The following NR3C2 variants were observed in gnomAD, a reference collection of about 807,000 sequenced individuals.
NR3C2 encodes mineralocorticoid receptor.
A neutral mutation model predicts 86.4 loss-of-function variants in NR3C2; 15 were observed. That is an observed-to-expected ratio of 0.17 (90% CI 0.12 to 0.27). The LOEUF (loss-of-function observed/expected upper bound fraction) is 0.27, where lower values mean the gene tolerates loss of function less well. Among genes scored for constraint, NR3C2 ranks in the 10% least tolerant of loss-of-function variants. The pLI, the probability that NR3C2 is intolerant of heterozygous loss-of-function variation, is 1.00. For missense variants in NR3C2, 960 were observed against 1,195.6 expected (o/e 0.80, Z 2.91); for synonymous variants, 458 against 450.5 (o/e 1.02, Z -0.21).
chr4:148,203,994 AT>A (rs143085629), intron 3 of NR3C2, among the ~76,000 whole-genome samples: 2 of 151,694 alleles, frequency 1.3e-5, no homozygotes, highest in Admixed American at 6.6e-5. Context: ...GATTAGCATT[AT>A]TTTTTTTTCC....
At chr4:148,347,815 C>T (rs1405426993) in intron 2 of NR3C2, among the ~76,000 whole-genome samples, 1 of 152,078 alleles carries the variant, frequency 6.6e-6, no homozygotes, top group Admixed American at 6.6e-5. Flanking sequence ...CCAACCACCA[C>T]TGCACCACTG....
At chr4:148,269,521 C>T (rs557361002) in intron 2 of NR3C2, among the ~76,000 whole-genome samples, 5 of 152,292 alleles carry the variant, frequency 3.3e-5, no homozygotes, top group East Asian at 3.9e-4. Flanking sequence ...TGAGCATATA[C>T]AGAATCTCTA....
chr4:148,165,785 A>C (rs1734853086), intron 4 of NR3C2, among the ~76,000 whole-genome samples: 1 of 152,212 alleles, frequency 6.6e-6, no homozygotes, highest in Non-Finnish European at 1.5e-5. Context: ...AATTGTTTTA[A>C]CAGTCTGTAT....
chr4:148,297,141 A>G (rs1742091227), intron 2 of NR3C2, among the ~76,000 whole-genome samples: 1 of 152,206 alleles, frequency 6.6e-6, no homozygotes, highest in African/African-American at 2.4e-5. Context: ...CTAGACAATC[A>G]CAAAGAAAAA....
chr4:148,442,110 G>T (rs2126673239), intron 1 of NR3C2, 50 bp downstream of exon 1: 1 of 152,666 alleles, frequency 6.6e-6, no homozygotes, highest in East Asian at 1.9e-4. Flanking sequence ...CCGCGCCGCG[G>T]CCGCACGCCG....
chr4:148,263,162 T>C (rs1740214573), intron 2 of NR3C2, among the ~76,000 whole-genome samples: 1 of 152,226 alleles, frequency 6.6e-6, no homozygotes, highest in Non-Finnish European at 1.5e-5. Context: ...GCTTGGTGAA[T>C]GACTTTCCAA....
chr4:148,426,933 A>T, intron 2 of NR3C2, among the ~76,000 whole-genome samples: 1 of 151,098 alleles, frequency 6.6e-6, no homozygotes, highest in Non-Finnish European at 1.5e-5. Context: ...CAAACCTATT[A>T]TTGACCTCTT....
rs149447913 is a variant in NR3C2, at chr4:148,429,083, T to C, written c.1757+6021A>G. On this transcript the variant is annotated intron_variant, in intron 2 of 8. Transcript: ENST00000358102. ...CCAGGATTTTGCTCACAGAGCTCCC[T>C]CCTCCAGTAAGTACCCACTACCCAC... 7.0e-3 allele frequency among the ~76,000 whole-genome samples: 1,061 copies of C among 152,162 alleles called. 5 individuals are homozygous for C. The highest frequency in any genetic ancestry group is 0.012 in the Non-Finnish European group (798 of 68,000).
At chr4:148,166,907 G>GT (rs1463691086) in intron 4 of NR3C2, among the ~76,000 whole-genome samples, 1 of 151,760 alleles carries the variant, frequency 6.6e-6, no homozygotes, top group Non-Finnish European at 1.5e-5. Flanking sequence ...GTTTTTTTGG[G>GT]GGGAGACTGG....
intron 2 of NR3C2, among the ~76,000 whole-genome samples, chr4:148,331,017 T>C (rs1744205169): frequency 6.6e-6 from 1 of 152,196 alleles, no homozygotes; most frequent in Admixed American, 6.5e-5. Context: ...TCCAGAGCCA[T>C]AAACCAATTA....
intron 2 of NR3C2, among the ~76,000 whole-genome samples, chr4:148,356,918 T>TGTGTGC (rs1483058415): frequency 2.3e-5 from 1 of 43,754 alleles, no homozygotes; most frequent in Non-Finnish European, 4.9e-5. Context: ...TGTGTGTGTG[T>TGTGTGC]GTGTGTGTGT....
intron 3 of NR3C2, among the ~76,000 whole-genome samples, chr4:148,240,098 A>C (rs1410479863): frequency 1.3e-5 from 2 of 152,024 alleles, no homozygotes; most frequent in Non-Finnish European, 2.9e-5. Context: ...TAAGTAGGTG[A>C]AATTAACTTT....
At chr4:148,305,018 G>C (rs1326322016) in intron 2 of NR3C2, among the ~76,000 whole-genome samples, 1 of 134,860 alleles carries the variant, frequency 7.4e-6, no homozygotes, top group South Asian at 2.4e-4. Flanking sequence ...CTGAACTAAC[G>C]AGTTAAAAAA....
At chr4:148,368,769 G>A (rs1252075664) in intron 2 of NR3C2, among the ~76,000 whole-genome samples, 1 of 152,122 alleles carries the variant, frequency 6.6e-6, no homozygotes, top group Non-Finnish European at 1.5e-5. Context: ...GCATAAATGA[G>A]TATTTATGAG....
intron 2 of NR3C2, among the ~76,000 whole-genome samples, chr4:148,376,028 C>T (rs1746660118): frequency 6.6e-6 from 1 of 151,592 alleles, no homozygotes; most frequent in Admixed American, 6.6e-5. Flanking sequence ...TCTCATCCCA[C>T]TTTTCTACTT....
chr4:148,319,782 G>C (rs1463486462), intron 2 of NR3C2, among the ~76,000 whole-genome samples: 2 of 150,464 alleles, frequency 1.3e-5, no homozygotes, highest in African/African-American at 5.0e-5. Context: ...TTTGGGTTGA[G>C]ACAATGGGTT....
chr4:148,159,037 A>T (rs1041305957), intron 4 of NR3C2, among the ~76,000 whole-genome samples: 1 of 152,202 alleles, frequency 6.6e-6, no homozygotes, highest in African/African-American at 2.4e-5. Flanking sequence ...CGGTTACTTA[A>T]TTCATTATAT....
chr4:148,299,647 C>T (rs573769564), intron 2 of NR3C2, among the ~76,000 whole-genome samples: 4 of 152,354 alleles, frequency 2.6e-5, no homozygotes, highest in African/African-American at 9.6e-5. Flanking sequence ...CATCCAAGCC[C>T]CAGGGAAGAA....
intron 2 of NR3C2, among the ~76,000 whole-genome samples, chr4:148,369,853 T>C (rs1289460083): frequency 6.6e-6 from 1 of 152,210 alleles, no homozygotes; most frequent in African/African-American, 2.4e-5. Flanking sequence ...CAAGACTTGA[T>C]GCTGAGCTCA....
Sources: gnomAD v4.1 joint callset for allele counts (sites outside exome capture counted in the v4.1 genomes callset) on GRCh38, gnomAD v4.1.1 for gene constraint, MANE v1.5 for transcripts, NCBI Gene and HGNC (gene_info 2026-07-23, HGNC 2026-07-21) for gene names.